FARP1: variants seen among roughly 807,000 people sequenced by gnomAD.
FARP1 encodes the protein FERM, ARHGEF and pleckstrin domain-containing protein 1.
FARP1 carries 52 observed loss-of-function variants against 128.8 expected under a neutral mutation model. The ratio of observed to expected loss-of-function variants is 0.40; its 90% CI spans 0.32 to 0.51. FARP1 has a LOEUF of 0.51. Ranked by LOEUF, FARP1 falls within the 20% of genes least tolerant of loss-of-function variation. The probability of loss-of-function intolerance (pLI) is 0.45; values close to 1 mark genes in which losing one functional copy is unlikely to be tolerated. For missense variants in FARP1, 1,333 were observed against 1,367.9 expected (o/e 0.97, Z 0.40); for synonymous variants, 580 against 551.8 (o/e 1.05, Z -0.72).
chr13:98,372,168 C>T (rs914810152), intron 5 of FARP1, among the ~76,000 whole-genome samples: 6 of 146,304 alleles, frequency 4.1e-5, no homozygotes, highest in African/African-American at 1.5e-4. Context: ...CTCACTGCAA[C>T]CTCCGCCTCG....
intron 2 of FARP1, among the ~76,000 whole-genome samples, chr13:98,274,691 A>C (rs1315871925): frequency 6.6e-6 from 1 of 152,206 alleles, no homozygotes; most frequent in Non-Finnish European, 1.5e-5. Context: ...TCCTAAAATC[A>C]AAGTGACCGG....
chr13:98,238,755 C>T (rs539079530), intron 2 of FARP1, among the ~76,000 whole-genome samples: 4 of 152,230 alleles, frequency 2.6e-5, no homozygotes, highest in South Asian at 2.1e-4. Context: ...AACTACAATT[C>T]GAGATGAGAT....
At chr13:98,301,296 C>T (rs759498206) in intron 2 of FARP1, among the ~76,000 whole-genome samples, 1 of 152,180 alleles carries the variant, frequency 6.6e-6, no homozygotes, top group Non-Finnish European at 1.5e-5. Context: ...CTCTGGTCCA[C>T]GTGTCACTTT....
intron 6 of FARP1, among the ~76,000 whole-genome samples, chr13:98,378,967 A>AG (rs1889727864): frequency 7.4e-5 from 7 of 94,406 alleles, no homozygotes; most frequent in Non-Finnish European, 2.1e-5. Flanking sequence ...TAATATATAC[A>AG]ATATATAATC....
rs9584802 is a variant in FARP1 at position 98,339,261 on chromosome 13, T to G, written c.172-4501T>G. On this transcript the variant is annotated intron_variant, in intron 2 of 26. Transcript: ENST00000319562. ...GGCCTCAGGAAACTTACAGTCACGG[T>G]AGAAGGTGAAGGAGAATAAGCACGT... Among the ~76,000 whole-genome samples, 1,403 of 152,184 alleles carry G rather than the reference T, an allele frequency of 9.2e-3. 23 individuals carry two copies. Among genetic ancestry groups the G allele is most frequent in the African/African-American group, 0.032 (1,326 of 41,504 alleles).
intron 2 of FARP1, among the ~76,000 whole-genome samples, chr13:98,337,447 C>G (rs1887790795): frequency 6.6e-6 from 1 of 152,006 alleles, no homozygotes; most frequent in Non-Finnish European, 1.5e-5. Context: ...TCAGATCCTT[C>G]TCATATTAAA....
chr13:98,385,436 C>A (rs1251421006), intron 7 of FARP1, among the ~76,000 whole-genome samples: 2 of 152,036 alleles, frequency 1.3e-5, no homozygotes, highest in Non-Finnish European at 2.9e-5. Flanking sequence ...CAAAAACTGG[C>A]TGAGTTTGGA....
In FARP1 at chr13:98,195,981, G is replaced by A. The variant is rs527329511; in HGVS notation, c.-23-17239G>A. On this transcript the variant is annotated intron_variant, in intron 1 of 26. Coordinates refer to ENST00000319562, the MANE Select transcript of FARP1 (RefSeq NM_005766.4). ...TTGGAGGCTGCAGTGAACTGTGATCGTATCACTGCACTCCAGCTTGGGTGA... is the reference window on the plus strand; with the variant it reads ...TTGGAGGCTGCAGTGAACTGTGATCATATCACTGCACTCCAGCTTGGGTGA... Among the ~76,000 whole-genome samples the A allele has an allele frequency of 8.7e-4, 132 of 152,262 alleles. 4 individuals carry two copies. In the South Asian group the frequency reaches 0.027, roughly 31 times the overall value.
At chr13:98,412,080 C>G (rs746598514) in intron 16 of FARP1, 46 bp downstream of exon 16, 1 of 1,593,578 alleles carries the variant, frequency 6.3e-7, no homozygotes, top group East Asian at 2.3e-5. Context: ...CTCCGTCTTG[C>G]TTGTGTTATT....
chr13:98,282,977 A>T (rs114396528), intron 2 of FARP1, among the ~76,000 whole-genome samples: 4,617 of 152,282 alleles, frequency 0.03, 230 homozygotes, highest in African/African-American at 0.11. Flanking sequence ...TGACATTGCC[A>T]TAAAAACAAT....
intron 1 of FARP1, among the ~76,000 whole-genome samples, chr13:98,204,426 T>G (rs1449577082): frequency 6.6e-6 from 1 of 152,244 alleles, no homozygotes; most frequent in East Asian, 1.9e-4. Context: ...TCACCATTTC[T>G]ACTCCTTTCC....
At chr13:98,181,416 C>T (rs1216793456) in intron 1 of FARP1, among the ~76,000 whole-genome samples, 5 of 151,622 alleles carry the variant, frequency 3.3e-5, no homozygotes, top group Admixed American at 6.6e-5. Flanking sequence ...TGGCTGGCAG[C>T]GATGGAGAAG....
intron 16 of FARP1, among the ~76,000 whole-genome samples, chr13:98,416,669 C>T (rs1891386374): frequency 6.6e-6 from 1 of 152,222 alleles, no homozygotes; most frequent in Non-Finnish European, 1.5e-5. Context: ...GAGAAAGCCA[C>T]TTAACAACCT....
chr13:98,281,933 G>A (rs1884954811), intron 2 of FARP1, among the ~76,000 whole-genome samples: 1 of 152,160 alleles, frequency 6.6e-6, no homozygotes, highest in Admixed American at 6.5e-5. Context: ...GGTCCGTGGG[G>A]CATGAACCTC....
chr13:98,256,954 T>TGC, intron 2 of FARP1, among the ~76,000 whole-genome samples: 1 of 53,392 alleles, frequency 1.9e-5, no homozygotes, highest in East Asian at 5.8e-4. Flanking sequence ...TGTGGATATA[T>TGC]ATATATATAT....
chr13:98,341,657 A>G (rs1887979769), intron 2 of FARP1, among the ~76,000 whole-genome samples: 1 of 152,120 alleles, frequency 6.6e-6, no homozygotes, highest in Non-Finnish European at 1.5e-5. Flanking sequence ...AACAACAACA[A>G]CAACAAAAAT....
intron 1 of FARP1, among the ~76,000 whole-genome samples, chr13:98,166,724 CTTT>C (rs60609331): frequency 7.3e-5 from 10 of 137,100 alleles, no homozygotes; most frequent in Non-Finnish European, 9.5e-5. Context: ...GTTTTTCTTT[CTTT>C]TTTTTTTTTT....
rs775562698 is a variant in FARP1, at chr13:98,409,412, A to G, written c.1489A>G (p.Thr497Ala). Residue 497 changes from threonine (T) to alanine (A), a missense_variant, in exon 14 of 27, where the codon ACC becomes GCC. Coordinates refer to ENST00000319562, the MANE Select transcript of FARP1 (RefSeq NM_005766.4). Reference sequence around the variant, plus strand: ...GGGGGGAGTGGCCCCTGCCAACGTGACCTTGTCTCCCAACCTGAGCCCCGA... The same window carrying G: ...GGGGGGAGTGGCCCCTGCCAACGTGGCCTTGTCTCCCAACCTGAGCCCCGA... ...SQGGVAPANV[T>A]LSPNLSPDTK... 66 of 1,613,530 alleles carry G rather than the reference A, an allele frequency of 4.1e-5. No homozygotes were observed. The highest frequency in any genetic ancestry group is 5.3e-5 in the Non-Finnish European group (63 of 1,179,922).
At chr13:98,359,907 C>T (rs1220350490) in intron 3 of FARP1, among the ~76,000 whole-genome samples, 7 of 152,050 alleles carry the variant, frequency 4.6e-5, no homozygotes, top group African/African-American at 1.4e-4. Context: ...AGAGACAAAT[C>T]GGATTGGAGG....
Sources: allele counts gnomAD v4.1 joint callset (sites outside exome capture counted in the v4.1 genomes callset), GRCh38; gene constraint gnomAD v4.1.1; transcripts MANE v1.5; gene names NCBI Gene and HGNC (gene_info 2026-07-23, HGNC 2026-07-21).